The following TBC1D30 variants were observed in gnomAD, a reference collection of about 807,000 sequenced individuals.
TBC1D30 encodes TBC1 domain family, member 30.
In TBC1D30, 31 loss-of-function variants were observed where a neutral mutation model predicts 63.2. The ratio of observed to expected loss-of-function variants is 0.49; its 90% CI spans 0.37 to 0.66. The LOEUF (loss-of-function observed/expected upper bound fraction) is 0.66. TBC1D30 is among the 30% of genes least tolerant of loss of function. TBC1D30 has a pLI of 0.00. For synonymous variants in TBC1D30, 307 were observed against 361.5 expected, an observed-to-expected ratio of 0.85 and a Z score of 1.71; for missense variants, 810 against 953.6, an observed-to-expected ratio of 0.85 and a Z score of 1.98.
At chr12:64,774,163 A>G (rs994498645) in intron 1 of TBC1D30, among the ~76,000 whole-genome samples, 15 of 152,224 alleles carry the variant, frequency 9.9e-5, no homozygotes, top group African/African-American at 3.6e-4. Flanking sequence ...AAGTATTAAT[A>G]GCATAATCAA....
intron 2 of TBC1D30, among the ~76,000 whole-genome samples, chr12:64,792,339 T>G (rs560642831): frequency 2.0e-5 from 3 of 152,324 alleles, no homozygotes; most frequent in African/African-American, 7.2e-5. Flanking sequence ...TTTCTCCACT[T>G]CCTGTATAGG....
At chr12:64,837,742 C>T (rs1875492853) in intron 6 of TBC1D30, among the ~76,000 whole-genome samples, 1 of 152,170 alleles carries the variant, frequency 6.6e-6, no homozygotes, top group South Asian at 2.1e-4. Context: ...TAACTTGGCT[C>T]TGCAGTATAA....
intron 1 of TBC1D30, among the ~76,000 whole-genome samples, chr12:64,767,638 G>A (rs2136273327): frequency 6.6e-6 from 1 of 152,126 alleles, no homozygotes; most frequent in South Asian, 2.1e-4. Flanking sequence ...GTGACTATGT[G>A]TTATAATACA....
chr12:64,870,144 G>A (rs992476615), intron 10 of TBC1D30, among the ~76,000 whole-genome samples: 2 of 152,228 alleles, frequency 1.3e-5, no homozygotes, highest in African/African-American at 4.8e-5. Flanking sequence ...TTTATAAATT[G>A]TGTTACTACC....
intron 1 of TBC1D30, among the ~76,000 whole-genome samples, chr12:64,765,832 C>CA (rs142093900): frequency 0.14 from 16,018 of 116,838 alleles, 3,156 homozygotes; most frequent in African/African-American, 0.44. Flanking sequence ...CCCACCTCTA[C>CA]AAAAAAAAAA....
intron 1 of TBC1D30, among the ~76,000 whole-genome samples, chr12:64,766,436 ATAT>A (rs1267897046): frequency 6.6e-6 from 1 of 152,150 alleles, no homozygotes. Flanking sequence ...TATGACAAAA[ATAT>A]TATTAGAGAT....
intron 8 of TBC1D30, among the ~76,000 whole-genome samples, chr12:64,859,125 G>T (rs1292859874): frequency 1.3e-5 from 2 of 151,766 alleles, no homozygotes; most frequent in African/African-American, 4.8e-5. Flanking sequence ...ATATGCGAGG[G>T]TGTTGTGTGT....
chr12:64,788,555 A>T (rs1871734101), intron 2 of TBC1D30, among the ~76,000 whole-genome samples: 1 of 152,092 alleles, frequency 6.6e-6, no homozygotes, highest in East Asian at 1.9e-4. Context: ...GTTACTAGGG[A>T]CTGATTATCA....
At chr12:64,859,189 G>C (rs575532039) in intron 8 of TBC1D30, among the ~76,000 whole-genome samples, 1 of 152,184 alleles carries the variant, frequency 6.6e-6, no homozygotes, top group East Asian at 1.9e-4. Flanking sequence ...TTGTGTTTGA[G>C]AGAGCAGCAT....
intron 2 of TBC1D30, among the ~76,000 whole-genome samples, chr12:64,805,599 A>G (rs889723303): frequency 3.4e-4 from 52 of 152,226 alleles, no homozygotes; most frequent in South Asian, 1.0e-3. Context: ...TTGGGAGGCC[A>G]AGGCAGGCTG....
intron 1 of TBC1D30, among the ~76,000 whole-genome samples, chr12:64,782,785 G>A (rs924006168): frequency 6.6e-6 from 1 of 152,096 alleles, no homozygotes; most frequent in Non-Finnish European, 1.5e-5. Context: ...TTGCCTGTTC[G>A]GTCTTATTGC....
chr12:64,823,689 T>C (rs1143835), upstream of TBC1D30, among the ~76,000 whole-genome samples: 83,796 of 152,030 alleles, frequency 0.55, 24,310 homozygotes, highest in East Asian at 0.9. Flanking sequence ...GGGGTCTCGC[T>C]ATGTTGCCCA....
intron 2 of TBC1D30, among the ~76,000 whole-genome samples, chr12:64,810,020 TCCC>T (rs1873114791): frequency 2.0e-5 from 3 of 152,116 alleles, no homozygotes; most frequent in African/African-American, 7.2e-5. Flanking sequence ...ACAGCAACCC[TCCC>T]ATGCTCCGTT....
chr12:64,843,782 A>G (rs2136404343), intron 8 of TBC1D30, among the ~76,000 whole-genome samples: 1 of 152,196 alleles, frequency 6.6e-6, no homozygotes, highest in East Asian at 1.9e-4. Context: ...CTTATTCTGA[A>G]TTTTATTCTT....
At position 64,824,711 on chromosome 12, in the gene TBC1D30, C is replaced by T; in HGVS notation, c.-169C>T. 2.2e-6 allele frequency: 2 copies of T among 900,964 alleles called. No individual in the cohort carries two copies. The highest frequency in any genetic ancestry group is 3.2e-6 in the Non-Finnish European group (2 of 630,970). The allele number at this position is 900,964 out of a possible 1,614,324, so 55.8% of individuals were successfully genotyped here. A position where few individuals can be genotyped will look rare whatever the true frequency, so the allele number is the denominator to read the frequency against. Reference sequence around the variant, plus strand: ...CCTGCGCTCGGCGGCTCCCGCGGTGCCCCGTAAGTCCCCGTGACCCTCCAG... The same window carrying T: ...CCTGCGCTCGGCGGCTCCCGCGGTGTCCCGTAAGTCCCCGTGACCCTCCAG... On this transcript the variant is annotated 5_prime_UTR_variant, in exon 1 of 12. Coordinates refer to ENST00000539867, the MANE Select transcript of TBC1D30 (RefSeq NM_015279.2).
At chr12:64,790,957 CAT>C (rs1297348089) in intron 2 of TBC1D30, among the ~76,000 whole-genome samples, 1 of 152,188 alleles carries the variant, frequency 6.6e-6, no homozygotes, top group Non-Finnish European at 1.5e-5. Flanking sequence ...GAATTGAAGA[CAT>C]ATGTCCCCAC....
Position 64,825,052 on chromosome 12 carries a change from C to T in TBC1D30, c.154+19C>T, listed in dbSNP as rs552024092. 4 of 1,525,118 alleles carry T rather than the reference C, an allele frequency of 2.6e-6. No individual in the cohort carries two copies. In the African/African-American group the frequency reaches 5.5e-5, roughly 21 times the overall value. The allele number at this position is 1,525,118 out of a possible 1,614,324, so 94.5% of individuals were successfully genotyped here. A position where few individuals can be genotyped will look rare whatever the true frequency, so the allele number is the denominator to read the frequency against. On this transcript the variant is annotated intron_variant, in intron 1 of 11. Coordinates refer to ENST00000539867, the MANE Select transcript of TBC1D30 (RefSeq NM_015279.2). ...GAGCCGGGTGAGGACCCCAGGGCTGCAGATGGGGCGCTGTAAAGTAGCGCC... is the reference window on the plus strand; with the variant it reads ...GAGCCGGGTGAGGACCCCAGGGCTGTAGATGGGGCGCTGTAAAGTAGCGCC...
intron 8 of TBC1D30, among the ~76,000 whole-genome samples, chr12:64,851,435 A>G (rs1047362520): frequency 1.3e-5 from 2 of 152,152 alleles, no homozygotes; most frequent in Non-Finnish European, 2.9e-5. Context: ...TGCACGTGAG[A>G]TGGGTCTTCT....
At chr12:64,869,541 G>C (rs1878489698) in intron 10 of TBC1D30, among the ~76,000 whole-genome samples, 1 of 152,050 alleles carries the variant, frequency 6.6e-6, no homozygotes, top group South Asian at 2.1e-4. Context: ...TCCAGCTTTT[G>C]ATTTCTAGCC....
Sources: allele counts gnomAD v4.1 joint callset (sites outside exome capture counted in the v4.1 genomes callset), GRCh38; gene constraint gnomAD v4.1.1; transcripts MANE v1.5; gene names NCBI Gene and HGNC (gene_info 2026-07-23, HGNC 2026-07-21).